The following PTPRG variants were observed in gnomAD, a reference collection of about 807,000 sequenced individuals.
PTPRG encodes the protein protein tyrosine phosphatase receptor type G, also known as receptor-type tyrosine-protein phosphatase gamma.
In PTPRG, 102 loss-of-function variants were observed where a neutral mutation model predicts 165.3. The ratio of observed to expected loss-of-function variants is 0.62; its 90% CI spans 0.53 to 0.73. PTPRG has a LOEUF of 0.73. Ranked by LOEUF, PTPRG falls within the 30% of genes least tolerant of loss-of-function variation. The pLI is 0.00. For missense variants in PTPRG, 1,866 were observed against 1,861.4 expected (o/e 1.00, Z -0.05); for synonymous variants, 675 against 669.5 (o/e 1.01, Z -0.13).
At chr3:61,941,350 C>T (rs567833166) in intron 2 of PTPRG, among the ~76,000 whole-genome samples, 135 of 152,322 alleles carry the variant, frequency 8.9e-4, no homozygotes, top group African/African-American at 3.0e-3. Context: ...TTAGGCCAGG[C>T]ATGGTGGCTC....
intron 1 of PTPRG, among the ~76,000 whole-genome samples, chr3:61,737,486 G>A (rs1037688694): frequency 1.3e-5 from 2 of 152,094 alleles, no homozygotes; most frequent in Admixed American, 6.5e-5. Context: ...TTAAGCAGAT[G>A]GTGGGTGTTG....
At chr3:61,743,234 C>G (rs1456498851) in intron 1 of PTPRG, 13 of 672,986 alleles carry the variant, frequency 1.9e-5, no homozygotes, top group Non-Finnish European at 3.5e-5. Context: ...TGGAAACTCC[C>G]TGATGAAAAT....
At chr3:62,150,744 A>G (rs1267128054) in intron 6 of PTPRG, among the ~76,000 whole-genome samples, 1 of 152,184 alleles carries the variant, frequency 6.6e-6, no homozygotes, top group Non-Finnish European at 1.5e-5. Context: ...TTGGGCTTTC[A>G]TACACTTTCC....
At chr3:62,099,917 G>C (rs1181617266) in intron 5 of PTPRG, among the ~76,000 whole-genome samples, 2 of 149,316 alleles carry the variant, frequency 1.3e-5, no homozygotes, top group Non-Finnish European at 3.0e-5. Context: ...TCCTGCCTCA[G>C]CCTCCGGAGT....
At chr3:61,917,709 C>T (rs1160237716) in intron 2 of PTPRG, among the ~76,000 whole-genome samples, 1 of 152,188 alleles carries the variant, frequency 6.6e-6, no homozygotes. Context: ...GCAGGCGGAT[C>T]ACCTGAGGTC....
chr3:61,590,285 G>A (rs1700536576), intron 1 of PTPRG, among the ~76,000 whole-genome samples: 1 of 151,914 alleles, frequency 6.6e-6, no homozygotes, highest in Non-Finnish European at 1.5e-5. Flanking sequence ...ACTTTGGGAG[G>A]CTGAGGTGGG....
At chr3:61,814,147 C>T (rs576029821) in intron 2 of PTPRG, among the ~76,000 whole-genome samples, 31 of 152,236 alleles carry the variant, frequency 2.0e-4, no homozygotes, top group African/African-American at 7.2e-4. Flanking sequence ...GCAATCTGCC[C>T]GCCTCAGCCT....
intron 1 of PTPRG, among the ~76,000 whole-genome samples, chr3:61,696,071 T>C (rs944338031): frequency 3.9e-5 from 6 of 152,162 alleles, no homozygotes; most frequent in African/African-American, 1.4e-4. Context: ...AATGAAGACT[T>C]TGAGGGTGTT....
intron 5 of PTPRG, among the ~76,000 whole-genome samples, chr3:62,085,221 G>T (rs1477572457): frequency 2.0e-5 from 3 of 152,106 alleles, no homozygotes; most frequent in Non-Finnish European, 4.4e-5. Context: ...AATTATTTGG[G>T]TTTTTGAAAA....
chr3:62,257,672 G>A (rs1195124195), intron 16 of PTPRG, among the ~76,000 whole-genome samples: 2 of 152,122 alleles, frequency 1.3e-5, no homozygotes, highest in Admixed American at 6.5e-5. Flanking sequence ...GTAGTGTCCT[G>A]GGCCAGGCAC....
At chr3:61,672,996 C>T (rs1400113402) in intron 1 of PTPRG, among the ~76,000 whole-genome samples, 1 of 151,540 alleles carries the variant, frequency 6.6e-6, no homozygotes, top group Non-Finnish European at 1.5e-5. Flanking sequence ...ACTGTCTCTG[C>T]AAAATATAAA....
Position 62,157,152 on chromosome 3 carries a change from G to A in PTPRG, c.768G>A (p.Leu256=), listed in dbSNP as rs376821615. 1.8e-5 allele frequency: 29 copies of A among 1,613,826 alleles called. No homozygotes were observed. In the African/African-American group the frequency reaches 3.6e-4, roughly 20 times the overall value. Residue 256 remains leucine (L), a synonymous_variant, in exon 7 of 30, where the codon TTG becomes TTA. Coordinates refer to ENST00000474889, the MANE Select transcript of PTPRG (RefSeq NM_002841.4). ...GCTATTATCGGTACACAGGTTCCTT[G>A]ACCACACCACCGTGTAGCGAAATAG... The part of the protein sequence containing the change: ...LGSYYRYTGS[L]TTPPCSEIVE...
At chr3:62,019,623 T>C (rs973277858) in intron 4 of PTPRG, among the ~76,000 whole-genome samples, 7 of 151,948 alleles carry the variant, frequency 4.6e-5, no homozygotes, top group African/African-American at 1.5e-4. Flanking sequence ...TGAAAATTGC[T>C]AAGAGAATAG....
Position 62,203,786 on chromosome 3 carries a change from C to G in PTPRG, c.1991C>G (p.Pro664Arg). The change falls in exon 12 of 30, where the codon CCA becomes CGA. Residue 664 changes from proline (P) to arginine (R), a missense_variant. Physicochemically the swap from Pro to Arg is moderately radical, Grantham distance 103. Coordinates refer to ENST00000474889, the MANE Select transcript of PTPRG (RefSeq NM_002841.4). The surrounding 1 kb of genome is among the most constrained non-coding windows in gnomAD (Gnocchi z 6.4). Reference sequence around the variant, plus strand: ...ACGGGCGGAAGGAGGGATGCCGGCCCAGGCCTGGACCCCGACATGGTCACC... The same window carrying G: ...ACGGGCGGAAGGAGGGATGCCGGCCGAGGCCTGGACCCCGACATGGTCACC... ...DQTGGRRDAG[P>R]GLDPDMVTST... 1 of 1,613,242 alleles carries G rather than the reference C, an allele frequency of 6.2e-7. No individual in the cohort carries two copies. The highest frequency in any genetic ancestry group is 8.5e-7 in the Non-Finnish European group (1 of 1,179,612).
chr3:61,901,980 T>G (rs969210034), intron 2 of PTPRG, among the ~76,000 whole-genome samples: 2 of 152,228 alleles, frequency 1.3e-5, no homozygotes, highest in Non-Finnish European at 2.9e-5. Flanking sequence ...GATGAAGGTT[T>G]TTGTCTTGTA....
intron 1 of PTPRG, among the ~76,000 whole-genome samples, chr3:61,609,364 A>G (rs1257912931): frequency 2.0e-5 from 3 of 152,118 alleles, no homozygotes; most frequent in Non-Finnish European, 4.4e-5. Context: ...GGAACTTTAT[A>G]TATGTTGTGC....
intron 2 of PTPRG, among the ~76,000 whole-genome samples, chr3:61,818,311 A>G (rs1575689646): frequency 6.6e-6 from 1 of 152,202 alleles, no homozygotes; most frequent in East Asian, 1.9e-4. Context: ...AACGTTATAC[A>G]TTAGTTTTAG....
At chr3:61,590,114 T>C (rs1240420817) in intron 1 of PTPRG, among the ~76,000 whole-genome samples, 1 of 151,886 alleles carries the variant, frequency 6.6e-6, no homozygotes, top group Non-Finnish European at 1.5e-5. Context: ...GCACAATCCT[T>C]CTCAGGATGG....
intron 7 of PTPRG, among the ~76,000 whole-genome samples, chr3:62,165,345 A>C (rs961513992): frequency 6.6e-6 from 1 of 152,200 alleles, no homozygotes; most frequent in Non-Finnish European, 1.5e-5. Context: ...ACCTGCTCTC[A>C]CATTTGATGC....
Sources: gnomAD v4.1 joint callset for allele counts (sites outside exome capture counted in the v4.1 genomes callset) on GRCh38, gnomAD v4.1.1 for gene constraint, Gnocchi (gnomAD v3.1) non-coding constraint, MANE v1.5 for transcripts, NCBI Gene and HGNC (gene_info 2026-07-23, HGNC 2026-07-21) for gene names.